The following XKR9 variants were observed in gnomAD, a reference collection of about 807,000 sequenced individuals.
XKR9 encodes XK-related protein 9.
XKR9 carries 32 observed loss-of-function variants against 32.0 expected under a neutral mutation model. The observed-to-expected ratio is 1.00, with a 90% confidence interval of 0.76 to 1.34. The LOEUF (loss-of-function observed/expected upper bound fraction) is 1.34. Ranked by LOEUF, XKR9 falls within the 40% of genes most tolerant of loss-of-function variation. The pLI is 0.00. For synonymous variants in XKR9, 168 were observed against 143.4 expected (o/e 1.17, Z -1.22); for missense variants, 546 against 429.7 (o/e 1.27, Z -2.39).
At chr8:70,986,229 G>A in the XKR9 span, among the ~76,000 whole-genome samples, 225 of 152,264 alleles carry the variant, frequency 1.5e-3, no homozygotes, top group African/African-American at 4.8e-3. Context: ...GGCAAGCCAC[G>A]TAACCTCTCT....
chr8:71,061,539 A>G, the XKR9 span, among the ~76,000 whole-genome samples: 3 of 152,236 alleles, frequency 2.0e-5, no homozygotes, highest in South Asian at 6.2e-4. Context: ...ATGCAAAACA[A>G]TGATCTCAAA....
chr8:70,789,207 A>G (rs1807731243), intron 2 of XKR9: 1 of 152,078 alleles, frequency 6.6e-6, no homozygotes, highest in African/African-American at 2.4e-5. Context: ...AGTAAGTATA[A>G]GAAAAAGAAA....
the XKR9 span, among the ~76,000 whole-genome samples, chr8:70,824,353 G>A: frequency 6.6e-6 from 1 of 152,032 alleles, no homozygotes; most frequent in African/African-American, 2.4e-5. Flanking sequence ...TATAAGTTAA[G>A]GCCTATGTTT....
At chr8:70,802,984 T>C in the XKR9 span, among the ~76,000 whole-genome samples, 1 of 152,204 alleles carries the variant, frequency 6.6e-6, no homozygotes, top group Non-Finnish European at 1.5e-5. Flanking sequence ...TTCTTGGATT[T>C]GAATGTTGGC....
the XKR9 span, among the ~76,000 whole-genome samples, chr8:70,853,240 C>A: frequency 6.6e-6 from 1 of 151,830 alleles, no homozygotes. Flanking sequence ...GAATGGTTCT[C>A]AGAGTCTGGG....
At chr8:70,794,532 G>T (rs1807804111), downstream of XKR9, among the ~76,000 whole-genome samples, 1 of 152,000 alleles carries the variant, frequency 6.6e-6, no homozygotes, top group Non-Finnish European at 1.5e-5. Context: ...TGTTTTCCTA[G>T]TTTGTTGAAT....
chr8:70,791,182 G>C (rs116601292), downstream of XKR9, among the ~76,000 whole-genome samples: 1 of 151,890 alleles, frequency 6.6e-6, no homozygotes, highest in East Asian at 1.9e-4. Context: ...TCTGAAATAA[G>C]AATGGGTCTT....
intron 4 of XKR9, among the ~76,000 whole-genome samples, chr8:70,725,167 C>A (rs1287283881): frequency 6.6e-6 from 1 of 152,150 alleles, no homozygotes; most frequent in East Asian, 1.9e-4. Flanking sequence ...GATTCAATTA[C>A]CTCCCTCCGG....
At chr8:70,793,805 C>CT (rs1057209484), downstream of XKR9, among the ~76,000 whole-genome samples, 23 of 149,916 alleles carry the variant, frequency 1.5e-4, no homozygotes, top group South Asian at 1.1e-3. Flanking sequence ...AACTTTGTCC[C>CT]TTTTTTTTTC....
the XKR9 span, among the ~76,000 whole-genome samples, chr8:70,853,996 A>C: frequency 6.6e-6 from 1 of 152,016 alleles, no homozygotes; most frequent in Admixed American, 6.6e-5. Flanking sequence ...ACATGTGTGC[A>C]TGTATCTTTA....
the XKR9 span, among the ~76,000 whole-genome samples, chr8:70,950,573 A>G: frequency 1.6e-4 from 25 of 152,202 alleles, no homozygotes; most frequent in African/African-American, 6.0e-4. Context: ...CTCGGAGGAC[A>G]GCCTTGAGTT....
the XKR9 span, among the ~76,000 whole-genome samples, chr8:71,008,389 G>C: frequency 6.6e-6 from 1 of 152,166 alleles, no homozygotes; most frequent in Non-Finnish European, 1.5e-5. Flanking sequence ...TATACTCATA[G>C]TTTCTGAAAA....
chr8:70,688,647 A>T (rs1586816343), intron 3 of XKR9, among the ~76,000 whole-genome samples: 1 of 150,208 alleles, frequency 6.7e-6, no homozygotes, highest in Admixed American at 6.6e-5. Context: ...TGATCTCCTG[A>T]CCTCGTGAGC....
chr8:71,037,107 G>A, the XKR9 span, among the ~76,000 whole-genome samples: 2 of 152,130 alleles, frequency 1.3e-5, no homozygotes, highest in Non-Finnish European at 1.5e-5. Context: ...CAGACAGATG[G>A]TGAATCTTAT....
At chr8:70,921,193 G>T in the XKR9 span, among the ~76,000 whole-genome samples, 3 of 152,214 alleles carry the variant, frequency 2.0e-5, no homozygotes, top group Non-Finnish European at 4.4e-5. Context: ...TTCCTCGAGT[G>T]CTGAGATGGC....
At chr8:71,017,780 A>G in the XKR9 span, among the ~76,000 whole-genome samples, 1 of 152,140 alleles carries the variant, frequency 6.6e-6, no homozygotes, top group Non-Finnish European at 1.5e-5. Flanking sequence ...GAGCAAATTC[A>G]TTTGTCTTGA....
chr8:70,944,896 T>C, the XKR9 span, among the ~76,000 whole-genome samples: 1 of 152,182 alleles, frequency 6.6e-6, no homozygotes, highest in Non-Finnish European at 1.5e-5. Flanking sequence ...GCTTGTCTTG[T>C]AGTGAAAGAG....
the XKR9 span, among the ~76,000 whole-genome samples, chr8:70,815,607 G>A: frequency 1.5e-4 from 23 of 151,674 alleles, no homozygotes; most frequent in Non-Finnish European, 1.5e-5. Flanking sequence ...TTCACTGCAA[G>A]CTCCGCCTCC....
chr8:70,806,439 G>A, the XKR9 span, among the ~76,000 whole-genome samples: 2 of 152,176 alleles, frequency 1.3e-5, no homozygotes, highest in Non-Finnish European at 2.9e-5. Flanking sequence ...ACAGAAGTAG[G>A]CCTGAAAAGA....
Sources: allele counts gnomAD v4.1 joint callset (sites outside exome capture counted in the v4.1 genomes callset), GRCh38; gene constraint gnomAD v4.1.1; transcripts MANE v1.5; gene names NCBI Gene and HGNC (gene_info 2026-07-23, HGNC 2026-07-21).